AHCYL1: variants seen among roughly 807,000 people sequenced by gnomAD.
The protein encoded by AHCYL1 is adenosylhomocysteinase like 1, also known as S-adenosylhomocysteine hydrolase-like protein 1.
A neutral mutation model predicts 79.3 loss-of-function variants in AHCYL1; 20 were observed. That is an observed-to-expected ratio of 0.25 (90% CI 0.18 to 0.37). The LOEUF (loss-of-function observed/expected upper bound fraction) is 0.37, where lower values mean the gene tolerates loss of function less well. AHCYL1 is among the 10% of genes least tolerant of loss of function. The pLI is 1.00. For missense variants in AHCYL1, 330 were observed against 673.6 expected (o/e 0.49, Z 5.65); for synonymous variants, 223 against 242.2 (o/e 0.92, Z 0.74).
intron 16 of AHCYL1, among the ~76,000 whole-genome samples, chr1:110,021,058 G>A (rs1651763833): frequency 6.6e-6 from 1 of 152,234 alleles, no homozygotes; most frequent in African/African-American, 2.4e-5. Flanking sequence ...AGGAGTTCAA[G>A]ACCAGCCTGG....
chr1:110,012,052 T>A (rs1249004238), intron 3 of AHCYL1, among the ~76,000 whole-genome samples: 3 of 152,244 alleles, frequency 2.0e-5, no homozygotes, highest in Non-Finnish European at 2.9e-5. Context: ...ATGCCTTAAC[T>A]ATTTTCCTCT....
In AHCYL1 at chr1:110,018,504, AC is replaced by A. The variant is rs150903681; in HGVS notation, c.1218+38del. The A allele has an allele frequency of 5.2e-3, 8,452 of 1,613,884 alleles. 332 individuals are homozygous for A. In the African/African-American group the frequency reaches 0.091, roughly 17 times the overall value. ...CTCATTTGTTGCTAGGCATTTCTCT[AC>A]TACCTTTCATTAATAACCATAGTCA... On this transcript the variant is annotated intron_variant, in intron 12 of 16. Transcript: ENST00000369799.
At chr1:109,993,091 T>TAA (rs141210735) in intron 1 of AHCYL1, among the ~76,000 whole-genome samples, 1,855 of 152,256 alleles carry the variant, frequency 0.012, 39 homozygotes, top group African/African-American at 0.042. Flanking sequence ...CTCAGGAACT[T>TAA]AACACACATT....
At chr1:110,015,391 G>A in intron 6 of AHCYL1, 34 bp from the exon 7 acceptor site, 1 of 1,569,482 alleles carries the variant, frequency 6.4e-7, no homozygotes. Flanking sequence ...CTAGCAGCCT[G>A]AATGCCCATA....
rs1651938106 is a variant in AHCYL1 at position 110,023,639 on chromosome 1, G to A, written c.*1959G>A. ...GAGGGAGCATGTGGAGAGCAACTTG[G>A]GAAGAACAAGTTCATTTTGTATTGA... is the stretch of plus-strand genomic sequence containing the variant. On this transcript the variant is annotated 3_prime_UTR_variant, in exon 17 of 17. Coordinates refer to ENST00000369799, the MANE Select transcript of AHCYL1 (RefSeq NM_006621.7). The A allele has an allele frequency of 6.6e-6, 1 of 152,416 alleles. No homozygotes were observed. Among genetic ancestry groups the A allele is most frequent in the Admixed American group, 6.6e-5 (1 of 15,260 alleles). 9.4% of individuals were successfully genotyped at this position (152,416 alleles called of 1,614,324 possible). A position where few individuals can be genotyped will look rare whatever the true frequency, so the allele number is the denominator to read the frequency against.
At position 109,989,776 on chromosome 1, in the gene AHCYL1, A is replaced by G. The variant is rs193100113; in HGVS notation, c.120+4604A>G. On this transcript the variant is annotated intron_variant, in intron 1 of 16. Transcript: ENST00000369799. Reference sequence around the variant, plus strand: ...TTTATAAAGAATGTCAACCCTGATTATACTGGATACATTTTATTATAATTT... The same window carrying G: ...TTTATAAAGAATGTCAACCCTGATTGTACTGGATACATTTTATTATAATTT... Among the ~76,000 whole-genome samples the G allele has an allele frequency of 2.0e-3, 308 of 152,350 alleles. 2 individuals are homozygous for G. Among genetic ancestry groups the G allele is most frequent in the Middle Eastern group, 0.014 (4 of 294 alleles).
At chr1:109,994,499 G>A (rs1474314415) in intron 1 of AHCYL1, among the ~76,000 whole-genome samples, 1 of 152,116 alleles carries the variant, frequency 6.6e-6, no homozygotes, top group Non-Finnish European at 1.5e-5. Context: ...ATGTTGGTTA[G>A]GGTGGTCTCG....
chr1:110,017,424 A>T, intron 9 of AHCYL1, 71 bp from the exon 10 acceptor site: 1 of 1,470,922 alleles, frequency 6.8e-7, no homozygotes, highest in Non-Finnish European at 9.5e-7. Flanking sequence ...CCTGTCTCAC[A>T]AATAACCTAC....
chr1:109,992,080 GC>G (rs141985649), intron 1 of AHCYL1, among the ~76,000 whole-genome samples: 6,084 of 151,696 alleles, frequency 0.04, 373 homozygotes, highest in African/African-American at 0.13. Context: ...AAATCTGGGG[GC>G]GGGGGGAAGA....
intron 6 of AHCYL1, 46 bp from the exon 7 acceptor site, chr1:110,015,379 C>G (rs1455914624): frequency 6.6e-7 from 1 of 1,503,768 alleles, no homozygotes; most frequent in Non-Finnish European, 9.3e-7. Context: ...TTCCCCCCAG[C>G]CCTAGCAGCC....
At chr1:110,008,299 A>G (rs543012304) in intron 1 of AHCYL1, among the ~76,000 whole-genome samples, 2 of 152,110 alleles carry the variant, frequency 1.3e-5, no homozygotes, top group Non-Finnish European at 2.9e-5. Flanking sequence ...GAGCCACTGT[A>G]CCTGGCCCAT....
At chr1:110,001,155 G>A (rs1650289150) in intron 1 of AHCYL1, among the ~76,000 whole-genome samples, 2 of 152,176 alleles carry the variant, frequency 1.3e-5, no homozygotes, top group African/African-American at 4.8e-5. Flanking sequence ...GATATATATT[G>A]ACAAAATTTG....
At chr1:109,994,267 T>C (rs534055460) in intron 1 of AHCYL1, among the ~76,000 whole-genome samples, 113 of 151,892 alleles carry the variant, frequency 7.4e-4, no homozygotes, top group Non-Finnish European at 1.5e-3. Flanking sequence ...TTGTGTTGTT[T>C]GTTTGTTTGT....
At position 110,012,790 on chromosome 1, in the gene AHCYL1, C is replaced by T. The variant is rs541470186; in HGVS notation, c.478-107C>T. 17 of 774,244 alleles carry T rather than the reference C, an allele frequency of 2.2e-5. No individual in the cohort carries two copies. The East Asian group carries it at 4.7e-4, about 21-fold the overall frequency. The allele number at this position is 774,244 out of a possible 1,614,324, so 48.0% of individuals were successfully genotyped here. On this transcript the variant is annotated intron_variant, in intron 4 of 16. Transcript: ENST00000369799. The stretch of plus-strand genomic sequence containing the variant: ...ACCCTTTTGTAACTTTCCAGTGTAG[C>T]ACCTGTTGGTGCAGAGTTGATAGGT...
chr1:110,017,733 GCT>G (rs909443352), intron 10 of AHCYL1, 150 bp downstream of exon 10: 1 of 1,021,306 alleles, frequency 9.8e-7, no homozygotes, highest in Non-Finnish European at 1.4e-6. Flanking sequence ...TAACCCTAGG[GCT>G]CTCTGAGAGC....
At chr1:109,998,183 C>A (rs889054379) in intron 1 of AHCYL1, among the ~76,000 whole-genome samples, 6 of 152,124 alleles carry the variant, frequency 3.9e-5, no homozygotes, top group Non-Finnish European at 7.4e-5. Context: ...TTTAAAGAAG[C>A]CCTTTAAAAT....
At chr1:110,004,591 T>C in intron 1 of AHCYL1, 6 of 789,238 alleles carry the variant, frequency 7.6e-6, no homozygotes, top group Non-Finnish European at 9.2e-6. Context: ...AACTGTTTCT[T>C]TGGGTTCATC....
chr1:110,006,376 G>T (rs190058471), intron 1 of AHCYL1, among the ~76,000 whole-genome samples: 15 of 152,260 alleles, frequency 9.9e-5, no homozygotes, highest in African/African-American at 3.4e-4. Context: ...TTTGAAGAAA[G>T]GTGAAAGCAC....
intron 1 of AHCYL1, among the ~76,000 whole-genome samples, chr1:110,007,672 A>G (rs1393556669): frequency 6.6e-6 from 1 of 152,144 alleles, no homozygotes; most frequent in Non-Finnish European, 1.5e-5. Context: ...GAAGATTTTA[A>G]TCTGTAGTCA....
Sources: allele counts gnomAD v4.1 joint callset (sites outside exome capture counted in the v4.1 genomes callset), GRCh38; gene constraint gnomAD v4.1.1; transcripts MANE v1.5; gene names NCBI Gene and HGNC (gene_info 2026-07-23, HGNC 2026-07-21).